Variants in AMOTL1 observed in about 807,000 individuals in gnomAD.
AMOTL1 encodes angiomotin-like protein 1.
In AMOTL1, 45 loss-of-function variants were observed where a neutral mutation model predicts 102.9. That is an observed-to-expected ratio of 0.44 (90% CI 0.34 to 0.56). The LOEUF (loss-of-function observed/expected upper bound fraction) is 0.56. AMOTL1 is among the 20% of genes least tolerant of loss of function. The pLI is 0.01. For missense variants in AMOTL1, 1,114 were observed against 1,225.6 expected (o/e 0.91, Z 1.36); for synonymous variants, 481 against 484.7 (o/e 0.99, Z 0.10).
chr11:94,736,046 G>A (rs1950435326), intron 2 of AMOTL1, among the ~76,000 whole-genome samples: 2 of 151,998 alleles, frequency 1.3e-5, no homozygotes, highest in South Asian at 4.1e-4. Flanking sequence ...ACTTCCTCTT[G>A]AGCTCCAGAA....
In AMOTL1 at chr11:94,845,293, T is replaced by G. The variant is rs547565586; in HGVS notation, c.1649-4821T>G. ...GGGGACATCTTTGAATTATTAGGCC[T>G]ATTTCTACTTTCTACCACTTGTGTT... is the stretch of plus-strand genomic sequence containing the variant. On this transcript the variant is annotated intron_variant, in intron 6 of 12. Transcript: ENST00000433060. Among the ~76,000 whole-genome samples, 10 of 152,342 alleles carry G rather than the reference T, an allele frequency of 6.6e-5. No individual in the cohort carries two copies. The South Asian group carries it at 1.5e-3, about 22-fold the overall frequency.
rs890261113 is a variant in AMOTL1, at chr11:94,713,183, C to T, written c.-51+6586C>T. On this transcript the variant is annotated intron_variant, in intron 1 of 4. Transcript: ENST00000299004. The stretch of plus-strand genomic sequence containing the variant: ...ACTGGGCATATTTGTATAACTTTAT[C>T]TCTGGGTTCTCCATTCTCTTCCATT... 5.9e-5 allele frequency among the ~76,000 whole-genome samples: 9 copies of T among 151,914 alleles called. No individual in the cohort carries two copies. The South Asian group carries it at 1.9e-3, about 31-fold the overall frequency.
At chr11:94,809,135 T>C (rs1324947553) in intron 3 of AMOTL1, among the ~76,000 whole-genome samples, 4 of 152,118 alleles carry the variant, frequency 2.6e-5, no homozygotes, top group Admixed American at 1.3e-4. Flanking sequence ...CACACCTGGC[T>C]AATTTTTGTA....
intron 6 of AMOTL1, among the ~76,000 whole-genome samples, chr11:94,848,007 G>A (rs1319713777): frequency 6.6e-6 from 1 of 152,178 alleles, no homozygotes; most frequent in Non-Finnish European, 1.5e-5. Context: ...CTGAGATCCT[G>A]TGGTTCATCT....
At chr11:94,793,872 C>T (rs1373264827) in intron 1 of AMOTL1, among the ~76,000 whole-genome samples, 20 of 152,184 alleles carry the variant, frequency 1.3e-4, no homozygotes. Flanking sequence ...AAATTCTTGT[C>T]AGAATCCTTT....
At chr11:94,833,833 T>C (rs1952121121) in intron 6 of AMOTL1, among the ~76,000 whole-genome samples, 1 of 152,286 alleles carries the variant, frequency 6.6e-6, no homozygotes, top group East Asian at 1.9e-4. Context: ...TAGTAGGACT[T>C]GGTTGACCAA....
intron 2 of AMOTL1, among the ~76,000 whole-genome samples, chr11:94,737,183 C>G (rs1157725684): frequency 6.6e-6 from 1 of 152,196 alleles, no homozygotes; most frequent in Non-Finnish European, 1.5e-5. Context: ...TTGGCAGGCT[C>G]CAGAACCTAA....
At chr11:94,754,842 C>G (rs1950701805) in intron 3 of AMOTL1, among the ~76,000 whole-genome samples, 2 of 152,156 alleles carry the variant, frequency 1.3e-5, no homozygotes, top group Admixed American at 1.3e-4. Flanking sequence ...ATGTCCACTA[C>G]AATATTTTGG....
chr11:94,709,941 A>C (rs1949995740), intron 1 of AMOTL1, among the ~76,000 whole-genome samples: 1 of 152,184 alleles, frequency 6.6e-6, no homozygotes, highest in Admixed American at 6.5e-5. Context: ...CTGGCCTTAT[A>C]CCACTAACTC....
In AMOTL1 at chr11:94,825,332, C is replaced by A. The variant is rs150605237; in HGVS notation, c.1413+3511C>A. 9.7e-3 allele frequency among the ~76,000 whole-genome samples: 1,472 copies of A among 152,302 alleles called. 102 individuals carry two copies. The highest frequency in any genetic ancestry group is 0.089 in the Admixed American group (1,359 of 15,296). ...GCAGTCTGTGGCTTGCACAGCAGGC[C>A]TTTCTTTGGTCCTGTGGATCCCTGA... On this transcript the variant is annotated intron_variant, in intron 4 of 12. Coordinates refer to ENST00000433060, the MANE Select transcript of AMOTL1 (RefSeq NM_130847.3).
Position 94,791,033 on chromosome 11 carries a change from A to T in AMOTL1, c.50-3978A>T, listed in dbSNP as rs140730686. On this transcript the variant is annotated intron_variant, in intron 1 of 12. Coordinates refer to ENST00000433060, the MANE Select transcript of AMOTL1 (RefSeq NM_130847.3). ...AGGGAAAATAGTCTTGCTCAGAGTC[A>T]CATTAGCTAAAGGCCTCTGTTACAA... 2.4e-3 allele frequency among the ~76,000 whole-genome samples: 361 copies of T among 152,332 alleles called. 3 individuals are homozygous for T. Among genetic ancestry groups the T allele is most frequent in the African/African-American group, 8.4e-3 (349 of 41,580 alleles).
chr11:94,740,317 C>T (rs1950500203), intron 2 of AMOTL1: 1 of 152,184 alleles, frequency 6.6e-6, no homozygotes, highest in South Asian at 2.1e-4. Flanking sequence ...CATAACAGAG[C>T]AGGGAATCGG....
At chr11:94,729,291 G>C (rs1432472184) in intron 2 of AMOTL1, among the ~76,000 whole-genome samples, 1 of 152,150 alleles carries the variant, frequency 6.6e-6, no homozygotes, top group African/African-American at 2.4e-5. Flanking sequence ...TCTAACATGA[G>C]AGTAAGAATG....
At chr11:94,764,758 A>C (rs1950835176), upstream of AMOTL1, among the ~76,000 whole-genome samples, 1 of 152,224 alleles carries the variant, frequency 6.6e-6, no homozygotes, top group South Asian at 2.1e-4. Context: ...TTTGCATTTT[A>C]ATAGAGTATT....
At chr11:94,813,991 G>A (rs1951724992) in intron 3 of AMOTL1, among the ~76,000 whole-genome samples, 1 of 152,178 alleles carries the variant, frequency 6.6e-6, no homozygotes, top group East Asian at 1.9e-4. Context: ...AAACGCAGCT[G>A]TCTCCTACAG....
intron 1 of AMOTL1, among the ~76,000 whole-genome samples, chr11:94,792,648 G>C (rs982732602): frequency 6.6e-6 from 1 of 152,184 alleles, no homozygotes. Flanking sequence ...GCAGCAGTGG[G>C]AGTGTAACTC....
intron 6 of AMOTL1, 83 bp from the exon 7 acceptor site, chr11:94,850,031 T>A (rs778250387): frequency 1.1e-4 from 161 of 1,425,624 alleles, no homozygotes; most frequent in Non-Finnish European, 1.5e-4. Flanking sequence ...TTATTTTTAA[T>A]CCTTGCCAGA....
intron 6 of AMOTL1, among the ~76,000 whole-genome samples, chr11:94,833,751 G>C (rs1185489608): frequency 6.6e-6 from 1 of 152,200 alleles, no homozygotes; most frequent in Non-Finnish European, 1.5e-5. Flanking sequence ...CTGGGGAGGA[G>C]ACAGAGAGGT....
chr11:94,849,754 C>T (rs1952491716), intron 6 of AMOTL1, among the ~76,000 whole-genome samples: 1 of 152,076 alleles, frequency 6.6e-6, no homozygotes, highest in Non-Finnish European at 1.5e-5. Context: ...CCTTTCATCA[C>T]AGATTTGGAA....
Sources: allele counts gnomAD v4.1 joint callset (sites outside exome capture counted in the v4.1 genomes callset), GRCh38; gene constraint gnomAD v4.1.1; transcripts MANE v1.5; gene names NCBI Gene and HGNC (gene_info 2026-07-23, HGNC 2026-07-21).